SNTG1: variants seen among roughly 807,000 people sequenced by gnomAD.
SNTG1 encodes syntrophin gamma 1, also known as gamma-1-syntrophin.
Under a neutral mutation model 74.7 loss-of-function variants are expected in SNTG1, and 39 were observed. That is an observed-to-expected ratio of 0.52 (90% CI 0.40 to 0.68). The LOEUF is 0.68. Ranked by LOEUF, SNTG1 falls within the 30% of genes least tolerant of loss-of-function variation. The probability of loss-of-function intolerance (pLI) is 0.00; values close to 1 mark genes in which losing one functional copy is unlikely to be tolerated. For missense variants in SNTG1, 685 were observed against 609.5 expected (o/e 1.12, Z -1.30); for synonymous variants, 254 against 217.1 (o/e 1.17, Z -1.49).
chr8:50,772,809 G>A (rs73577114), intron 18 of SNTG1, among the ~76,000 whole-genome samples: 4,232 of 152,112 alleles, frequency 0.028, 211 homozygotes, highest in African/African-American at 0.097. Flanking sequence ...TGCAAAGGTG[G>A]GTGAGATCTT....
chr8:49,946,668 T>C (rs1241253169), intron 1 of SNTG1, among the ~76,000 whole-genome samples: 1 of 152,224 alleles, frequency 6.6e-6, no homozygotes, highest in Non-Finnish European at 1.5e-5. Flanking sequence ...TCACAATATT[T>C]TTTTGTAGTC....
chr8:50,022,428 G>C (rs1448359620), intron 1 of SNTG1, among the ~76,000 whole-genome samples: 1 of 152,140 alleles, frequency 6.6e-6, no homozygotes, highest in Non-Finnish European at 1.5e-5. Context: ...CACACTAGTA[G>C]GACAGATGAT....
intron 1 of SNTG1, among the ~76,000 whole-genome samples, chr8:50,131,625 A>AATC (rs1298421661): frequency 6.6e-6 from 1 of 152,128 alleles, no homozygotes; most frequent in Non-Finnish European, 1.5e-5. Flanking sequence ...GGCTATTGTG[A>AATC]ATAATGCCTC....
intron 2 of SNTG1, among the ~76,000 whole-genome samples, chr8:50,317,579 C>G (rs961447203): frequency 6.6e-6 from 1 of 152,064 alleles, no homozygotes; most frequent in African/African-American, 2.4e-5. Flanking sequence ...TTAGCACAAA[C>G]AGAAACAAAG....
At chr8:50,072,349 T>C (rs55910148) in intron 1 of SNTG1, among the ~76,000 whole-genome samples, 2,357 of 152,334 alleles carry the variant, frequency 0.015, 24 homozygotes, top group Middle Eastern at 0.048. Flanking sequence ...TTATGAGTGA[T>C]ACAGAGTGGT....
chr8:50,597,371 G>GTATATATACACATATACACA (rs2094736577), intron 13 of SNTG1, among the ~76,000 whole-genome samples: 1 of 63,826 alleles, frequency 1.6e-5, no homozygotes, highest in Non-Finnish European at 3.9e-5. Context: ...ACATATACAT[G>GTATATATACACATATACACA]TATATATACA....
At chr8:49,951,872 A>G (rs2450293) in intron 1 of SNTG1, among the ~76,000 whole-genome samples, 4 of 98,150 alleles carry the variant, frequency 4.1e-5, no homozygotes, top group Non-Finnish European at 5.9e-5. Context: ...TGGAAAATTC[A>G]CAAAAAAAAA....
At chr8:49,950,753 C>A (rs1422459124) in intron 1 of SNTG1, among the ~76,000 whole-genome samples, 2 of 152,134 alleles carry the variant, frequency 1.3e-5, no homozygotes, top group Non-Finnish European at 2.9e-5. Flanking sequence ...AGGCAGCTGG[C>A]TTTGATTTGG....
intron 1 of SNTG1, among the ~76,000 whole-genome samples, chr8:50,162,288 C>T (rs1030255070): frequency 3.9e-5 from 6 of 152,214 alleles, no homozygotes; most frequent in South Asian, 2.1e-4. Context: ...ACCGGCCGTG[C>T]GCGGTGGCTC....
chr8:49,941,192 C>T (rs1480744322), intron 1 of SNTG1, among the ~76,000 whole-genome samples: 1 of 152,006 alleles, frequency 6.6e-6, no homozygotes, highest in East Asian at 1.9e-4. Flanking sequence ...CCTTTCCCTG[C>T]TTTCTGTCCA....
chr8:50,146,477 C>T (rs1477690256), intron 1 of SNTG1, among the ~76,000 whole-genome samples: 3 of 152,090 alleles, frequency 2.0e-5, no homozygotes, highest in Non-Finnish European at 4.4e-5. Flanking sequence ...AAGATCACGC[C>T]ATTGCACTCC....
intron 13 of SNTG1, among the ~76,000 whole-genome samples, chr8:50,614,864 ATTAC>A (rs1178409949): frequency 6.6e-6 from 1 of 152,028 alleles, no homozygotes; most frequent in Admixed American, 6.6e-5. Flanking sequence ...AATATTAATT[ATTAC>A]TTAATACAAT....
intron 12 of SNTG1, among the ~76,000 whole-genome samples, chr8:50,584,904 G>T (rs141836254): frequency 6.6e-6 from 1 of 152,156 alleles, no homozygotes; most frequent in East Asian, 1.9e-4. Flanking sequence ...GTGGGCACTG[G>T]GTCCATGCGT....
Position 50,515,403 on chromosome 8 carries a change from T to G in SNTG1, c.466+12523T>G, listed in dbSNP as rs1190935036. Among the ~76,000 whole-genome samples the G allele has an allele frequency of 3.8e-5, 4 of 106,394 alleles. No homozygotes were observed. In the South Asian group the frequency reaches 1.2e-3, roughly 33 times the overall value. The allele number at this position is 106,394 out of a possible 152,430, so 69.8% of individuals were successfully genotyped here. A position where few individuals can be genotyped will look rare whatever the true frequency, so the allele number is the denominator to read the frequency against. The stretch of plus-strand genomic sequence containing the variant: ...GCTGCAGGAGTTTTTTTTTTTTTTT[T>G]TTTTTTTTTTTTGTTACTCCAGTGG... On this transcript the variant is annotated intron_variant, in intron 9 of 18. Coordinates refer to ENST00000642720, the MANE Select transcript of SNTG1 (RefSeq NM_018967.5).
At chr8:50,476,586 G>T (rs1376674215) in intron 8 of SNTG1, among the ~76,000 whole-genome samples, 2 of 152,132 alleles carry the variant, frequency 1.3e-5, no homozygotes, top group Non-Finnish European at 2.9e-5. Context: ...TACAGTTGGG[G>T]ATGTCCTTAT....
chr8:50,716,711 A>T (rs559891710), intron 17 of SNTG1, among the ~76,000 whole-genome samples: 37 of 146,786 alleles, frequency 2.5e-4, no homozygotes, highest in Admixed American at 1.4e-3. Flanking sequence ...TATGAAAAAT[A>T]AAATTCCCTG....
At chr8:50,425,540 C>T (rs1444464747) in intron 4 of SNTG1, among the ~76,000 whole-genome samples, 1 of 151,980 alleles carries the variant, frequency 6.6e-6, no homozygotes, top group Non-Finnish European at 1.5e-5. Flanking sequence ...GTATAATTAT[C>T]TCATTATATA....
intron 12 of SNTG1, 25 bp downstream of exon 12, chr8:50,553,204 T>C (rs1259528191): frequency 6.2e-7 from 1 of 1,613,030 alleles, no homozygotes; most frequent in Non-Finnish European, 8.5e-7. Flanking sequence ...AAGGAATACC[T>C]AGCCAGGGTT....
At chr8:50,432,107 C>T (rs2093243562) in intron 4 of SNTG1, among the ~76,000 whole-genome samples, 1 of 152,108 alleles carries the variant, frequency 6.6e-6, no homozygotes, top group African/African-American at 2.4e-5. Flanking sequence ...AACCAAAAAT[C>T]ACATGGGTTT....
Sources: gnomAD v4.1 joint callset for allele counts (sites outside exome capture counted in the v4.1 genomes callset) on GRCh38, gnomAD v4.1.1 for gene constraint, MANE v1.5 for transcripts, NCBI Gene and HGNC (gene_info 2026-07-23, HGNC 2026-07-21) for gene names.